The following HMGCLL1 variants were observed in gnomAD, a reference collection of about 807,000 sequenced individuals.
HMGCLL1 encodes the protein 3-hydroxy-3-methylglutaryl-CoA lyase like 1, also known as 3-hydroxymethyl-3-methylglutaryl-CoA lyase, cytoplasmic.
Under a neutral mutation model 39.1 loss-of-function variants are expected in HMGCLL1, and 36 were observed. The ratio of observed to expected loss-of-function variants is 0.92; its 90% CI spans 0.71 to 1.22. The LOEUF is 1.22. HMGCLL1 is among the 50% of genes most tolerant of loss of function. The pLI, the probability that HMGCLL1 is intolerant of heterozygous loss-of-function variation, is 0.00. For synonymous variants in HMGCLL1, 149 were observed against 144.0 expected (o/e 1.03, Z -0.25); for missense variants, 451 against 416.5 (o/e 1.08, Z -0.72).
At chr6:55,547,988 A>T (rs938214415) in intron 1 of HMGCLL1, among the ~76,000 whole-genome samples, 1 of 152,048 alleles carries the variant, frequency 6.6e-6, no homozygotes, top group African/African-American at 2.4e-5. Context: ...CAAAGCTGAT[A>T]GTGAAACTGT....
rs1561904974 is a variant in HMGCLL1 at position 55,477,327 on chromosome 6, T to TATATAATATATATTATA, written c.795+18091_795+18092insTATAATATATATTATAT. 5.3e-4 allele frequency among the ~76,000 whole-genome samples: 8 copies of TATATAATATATATTATA among 15,084 alleles called. No individual in the cohort carries two copies. In the East Asian group the frequency reaches 0.012, roughly 22 times the overall value. The allele number at this position is 15,084 out of a possible 152,430, so 9.9% of individuals were successfully genotyped here. ...TATTATATATATAATATATATTATA[T>TATATAATATATATTATA]TATATAATATATATTATATTTAGAT... On this transcript the variant is annotated intron_variant, in intron 7 of 8. Transcript: ENST00000274901.
the HMGCLL1 span, among the ~76,000 whole-genome samples, chr6:55,637,714 A>ATGTGTGTGTGTGTGTGTGTG: frequency 3.4e-5 from 5 of 148,592 alleles, no homozygotes; most frequent in African/African-American, 1.2e-4. Flanking sequence ...ATAATTTGAT[A>ATGTGTGTGTGTGTGTGTGTG]TGTGTGTGTG....
chr6:55,464,197 ATCTG>A (rs775286406), intron 7 of HMGCLL1, among the ~76,000 whole-genome samples: 65 of 152,278 alleles, frequency 4.3e-4, no homozygotes, highest in African/African-American at 1.2e-3. Context: ...GCATAATTAA[ATCTG>A]TCTATGTCAT....
intron 7 of HMGCLL1, among the ~76,000 whole-genome samples, chr6:55,462,313 C>T (rs1330138944): frequency 1.3e-5 from 2 of 152,028 alleles, no homozygotes; most frequent in Non-Finnish European, 2.9e-5. Context: ...CAACTACATA[C>T]GAAATAACTT....
chr6:55,547,662 C>G (rs148403490), intron 1 of HMGCLL1, among the ~76,000 whole-genome samples: 3 of 151,916 alleles, frequency 2.0e-5, no homozygotes, highest in Non-Finnish European at 4.4e-5. Context: ...AGGGCTGAAT[C>G]AGGAAATTGT....
intron 7 of HMGCLL1, among the ~76,000 whole-genome samples, chr6:55,493,723 TTTTG>T (rs927186537): frequency 3.3e-5 from 3 of 91,716 alleles, no homozygotes; most frequent in African/African-American, 1.6e-4. Flanking sequence ...TTTTTGTTTT[TTTTG>T]TTTTTGTTTT....
intron 7 of HMGCLL1, among the ~76,000 whole-genome samples, chr6:55,463,884 C>T (rs560483033): frequency 6.6e-6 from 1 of 152,142 alleles, no homozygotes; most frequent in South Asian, 2.1e-4. Context: ...CAGGGCAATA[C>T]TTTGTATGCA....
the HMGCLL1 span, among the ~76,000 whole-genome samples, chr6:55,617,668 C>G: frequency 7.2e-5 from 11 of 152,200 alleles, no homozygotes; most frequent in South Asian, 2.3e-3. Flanking sequence ...CATTTTCATC[C>G]GCTGCTGGTG....
intron 7 of HMGCLL1, among the ~76,000 whole-genome samples, chr6:55,448,624 T>C (rs566283050): frequency 3.3e-5 from 5 of 152,258 alleles, no homozygotes; most frequent in African/African-American, 9.6e-5. Context: ...TTGAATTCCA[T>C]TCAAATTCTG....
the HMGCLL1 span, among the ~76,000 whole-genome samples, chr6:55,641,866 ATT>A: frequency 3.7e-3 from 477 of 129,374 alleles, 5 homozygotes; most frequent in Middle Eastern, 0.012. Flanking sequence ...TTTTTTTTTA[ATT>A]TTTTTTTATT....
the HMGCLL1 span, among the ~76,000 whole-genome samples, chr6:55,619,201 T>C: frequency 6.6e-6 from 1 of 152,056 alleles, no homozygotes; most frequent in South Asian, 2.1e-4. Flanking sequence ...TGCAGGGGCA[T>C]GAAAAAGAAC....
intron 1 of HMGCLL1, among the ~76,000 whole-genome samples, chr6:55,565,001 G>A (rs4599642): frequency 0.43 from 65,311 of 151,754 alleles, 14,154 homozygotes; most frequent in East Asian, 0.55. Context: ...AGGATTTGTA[G>A]CAAACTACAA....
At chr6:55,542,218 G>A (rs1769481377) in intron 1 of HMGCLL1, 78 bp from the exon 2 acceptor site, 1 of 876,464 alleles carries the variant, frequency 1.1e-6, no homozygotes, top group East Asian at 2.6e-5. Context: ...TTAAACAACT[G>A]CACTTTGTTA....
chr6:55,581,703 A>G (rs1186538765), upstream of HMGCLL1, among the ~76,000 whole-genome samples: 3 of 152,204 alleles, frequency 2.0e-5, no homozygotes, highest in Middle Eastern at 3.4e-3. Flanking sequence ...CTTGGGCTCC[A>G]TTAGAAAAAT....
chr6:55,656,644 C>A, the HMGCLL1 span, among the ~76,000 whole-genome samples: 1 of 151,934 alleles, frequency 6.6e-6, no homozygotes, highest in African/African-American at 2.4e-5. Context: ...TTCTGAAACA[C>A]CACAGTAAAT....
intron 5 of HMGCLL1, among the ~76,000 whole-genome samples, chr6:55,505,523 G>T (rs1456565375): frequency 2.6e-5 from 4 of 151,546 alleles, no homozygotes; most frequent in Non-Finnish European, 5.9e-5. Flanking sequence ...ATTTATTATT[G>T]TGGATAACAT....
At chr6:55,558,606 A>G (rs1770790916) in intron 1 of HMGCLL1, among the ~76,000 whole-genome samples, 1 of 152,162 alleles carries the variant, frequency 6.6e-6, no homozygotes, top group Non-Finnish European at 1.5e-5. Flanking sequence ...TAGATCTCAT[A>G]GTCCTTCCAT....
the HMGCLL1 span, among the ~76,000 whole-genome samples, chr6:55,603,281 A>G: frequency 3.3e-5 from 5 of 152,130 alleles, no homozygotes; most frequent in Non-Finnish European, 7.4e-5. Context: ...TTGACATACT[A>G]TCTCTAACTC....
intron 3 of HMGCLL1, among the ~76,000 whole-genome samples, chr6:55,529,212 AT>A (rs1216336851): frequency 6.6e-6 from 1 of 151,912 alleles, no homozygotes; most frequent in Non-Finnish European, 1.5e-5. Flanking sequence ...TCCCAGTATA[AT>A]TTTTTTTCCA....
Sources: gnomAD v4.1 joint callset for allele counts (sites outside exome capture counted in the v4.1 genomes callset) on GRCh38, gnomAD v4.1.1 for gene constraint, MANE v1.5 for transcripts, NCBI Gene and HGNC (gene_info 2026-07-23, HGNC 2026-07-21) for gene names.